The following ARSG variants were observed in gnomAD, a reference collection of about 807,000 sequenced individuals.
The protein encoded by ARSG is ASG.
In ARSG, 37 loss-of-function variants were observed where a neutral mutation model predicts 50.5. The ratio of observed to expected loss-of-function variants is 0.73; its 90% CI spans 0.56 to 0.96. The LOEUF (loss-of-function observed/expected upper bound fraction) is 0.96. Ranked by LOEUF, ARSG falls within the 50% of genes least tolerant of loss-of-function variation. The pLI, the probability that ARSG is intolerant of heterozygous loss-of-function variation, is 0.00. For synonymous variants in ARSG, 225 were observed against 254.6 expected (o/e 0.88, Z 1.11); for missense variants, 629 against 675.3 (o/e 0.93, Z 0.76).
rs1555749304 is a variant in ARSG at position 68,272,564 on chromosome 17, A to G, written c.-552+13138A>G. ...CTGAAAGTCATCCATACTGTTGGCA[A>G]AAGTTAGCGTAGCAAGAATACCTGA... is the stretch of plus-strand genomic sequence containing the variant. On this transcript the variant is annotated intron_variant, in intron 1 of 11. Coordinates refer to the ARSG transcript ENST00000448504. The G allele has an allele frequency of 4.5e-6, 7 of 1,558,932 alleles. No homozygotes were observed. The African/African-American group carries it at 9.5e-5, about 21-fold the overall frequency.
At chr17:68,261,362 T>A (rs1477088077) in intron 1 of ARSG, among the ~76,000 whole-genome samples, 1 of 151,866 alleles carries the variant, frequency 6.6e-6, no homozygotes, top group Non-Finnish European at 1.5e-5. Flanking sequence ...AGTCAAGGAG[T>A]AAACAGATGC....
At chr17:68,301,783 C>T (rs924872264) in intron 1 of ARSG, among the ~76,000 whole-genome samples, 1 of 152,122 alleles carries the variant, frequency 6.6e-6, no homozygotes, top group Admixed American at 6.6e-5. Flanking sequence ...TTCTTTGCCG[C>T]TCCTTGCTTG....
At chr17:68,346,363 T>C (rs372642178) in intron 3 of ARSG, among the ~76,000 whole-genome samples, 53 of 152,322 alleles carry the variant, frequency 3.5e-4, no homozygotes, top group African/African-American at 1.3e-3. Flanking sequence ...CATCAAATAA[T>C]GTACTTAGAC....
intron 3 of ARSG, 184 bp from the exon 4 acceptor site, chr17:68,346,941 C>T (rs899646995): frequency 2.0e-6 from 3 of 1,510,278 alleles, no homozygotes; most frequent in Non-Finnish European, 2.7e-6. Context: ...TTTATGTGTC[C>T]CTGTGGACAC....
At position 68,356,674 on chromosome 17, in the gene ARSG, C is replaced by T. The variant is rs2079046916; in HGVS notation, c.574C>T (p.Gln192Ter). The change falls in exon 6 of 12, where the codon CAA becomes TAA. Residue 192 changes from glutamine (Q) to a stop codon, truncating the protein, a stop_gained. Coordinates refer to ENST00000621439, the MANE Select transcript of ARSG (RefSeq NM_001267727.2). LOFTEE classifies it high-confidence loss of function. ...TCTGTGGTTTCCACACAGGAACCTT[C>T]AAAGAGACTGTTACACTGACGTGGC... ...PQGDGPSRNL[Q>*]RDCYTDVALP... The T allele has an allele frequency of 6.2e-7, 1 of 1,614,072 alleles. No homozygotes were observed.
intron 1 of ARSG, among the ~76,000 whole-genome samples, chr17:68,282,625 G>A (rs1305256623): frequency 6.6e-6 from 1 of 151,376 alleles, no homozygotes; most frequent in African/African-American, 2.4e-5. Context: ...ATAGGGAGAC[G>A]CTGTCTCTAC....
intron 1 of ARSG, among the ~76,000 whole-genome samples, chr17:68,305,965 T>C (rs1339511286): frequency 2.6e-5 from 4 of 151,798 alleles, no homozygotes; most frequent in African/African-American, 9.7e-5. Context: ...TAATCCCAGC[T>C]ACTAGGAGGC....
chr17:68,433,760 GTTTTTTTTTTTTTTTTTTTTTTTT>G, the ARSG span, among the ~76,000 whole-genome samples: 2 of 72,814 alleles, frequency 2.7e-5, no homozygotes, highest in African/African-American at 6.6e-5. Flanking sequence ...AAGGGTCATA[GTTTTTTTTTTTTTTTTTTTTTTTT>G]TTTTTTTTTT....
chr17:68,346,710 C>T (rs996763521), intron 3 of ARSG: 25 of 1,226,446 alleles, frequency 2.0e-5, no homozygotes, highest in Middle Eastern at 3.6e-4. Context: ...AGGCAGGAAG[C>T]GGGCATTTCT....
At chr17:68,327,240 C>T (rs1046676843) in intron 2 of ARSG, among the ~76,000 whole-genome samples, 8 of 152,090 alleles carry the variant, frequency 5.3e-5, no homozygotes, top group Non-Finnish European at 1.2e-4. Flanking sequence ...AAAAAGAATA[C>T]TGTTGAGCTG....
At chr17:68,352,065 AGAGAGAGAGAGAGAGAGACAGAG>A (rs1568506332) in intron 5 of ARSG, among the ~76,000 whole-genome samples, 1 of 144,580 alleles carries the variant, frequency 6.9e-6, no homozygotes. Flanking sequence ...GAGACAGAGG[AGAGAGAGAGAGAGAGAGACAGAG>A]GAGAGAGAGA....
intron 9 of ARSG, among the ~76,000 whole-genome samples, chr17:68,392,043 T>A (rs558210419): frequency 6.6e-6 from 1 of 152,294 alleles, no homozygotes; most frequent in Admixed American, 6.5e-5. Flanking sequence ...GCCCCTCAGA[T>A]ATCAGATTGG....
At chr17:68,440,883 T>G in the ARSG span, 1 of 152,244 alleles carries the variant, frequency 6.6e-6, no homozygotes, top group Admixed American at 6.5e-5. Context: ...TGTCTCAGGT[T>G]ACGCTTTCCG....
At chr17:68,401,277 C>A in intron 10 of ARSG, 83 bp from the exon 11 acceptor site, 2 of 1,214,930 alleles carry the variant, frequency 1.6e-6, no homozygotes, top group Non-Finnish European at 2.4e-6. Flanking sequence ...CCTGCCTCGA[C>A]CTCCCAAGGT....
intron 1 of ARSG, among the ~76,000 whole-genome samples, chr17:68,304,742 C>T (rs2076544487): frequency 6.6e-6 from 1 of 152,214 alleles, no homozygotes; most frequent in African/African-American, 2.4e-5. Context: ...GTTGGACAGG[C>T]TGATCTTGAA....
chr17:68,290,315 C>G (rs558719453), upstream of ARSG, among the ~76,000 whole-genome samples: 7 of 152,266 alleles, frequency 4.6e-5, no homozygotes, highest in African/African-American at 1.7e-4. Flanking sequence ...ACCTGTCTTG[C>G]TAGGGTGGGG....
chr17:68,451,143 C>T, the ARSG span, among the ~76,000 whole-genome samples: 2 of 152,340 alleles, frequency 1.3e-5, no homozygotes, highest in East Asian at 3.9e-4. Flanking sequence ...AAAGAAAACA[C>T]TAGTGGCCTG....
chr17:68,313,971 G>A (rs2076970635), intron 2 of ARSG, among the ~76,000 whole-genome samples: 1 of 152,032 alleles, frequency 6.6e-6, no homozygotes, highest in South Asian at 2.1e-4. Flanking sequence ...GAGCCACCAT[G>A]CCTGGCCTAC....
rs542034711 is a variant in ARSG at position 68,317,401 on chromosome 17, T to C, written c.218+9690T>C. On this transcript the variant is annotated intron_variant, in intron 2 of 11. Transcript: ENST00000621439. ...AGCTCTCTGCCATGTGGGGGTCGAT[T>C]ATGTGGTTTGTGGGTTTGCTAGCTC... 3.9e-5 allele frequency among the ~76,000 whole-genome samples: 6 copies of C among 152,236 alleles called. No individual in the cohort carries two copies. The South Asian group carries it at 1.2e-3, about 32-fold the overall frequency.
Sources: gnomAD v4.1 joint callset for allele counts (sites outside exome capture counted in the v4.1 genomes callset) on GRCh38, gnomAD v4.1.1 for gene constraint, MANE v1.5 for transcripts, NCBI Gene and HGNC (gene_info 2026-07-23, HGNC 2026-07-21) for gene names.